The following EZR variants were observed in gnomAD, a reference collection of about 807,000 sequenced individuals.
EZR encodes cytovillin 2.
A neutral mutation model predicts 74.8 loss-of-function variants in EZR; 40 were observed. That is an observed-to-expected ratio of 0.53 (90% confidence interval 0.42 to 0.70). EZR has a LOEUF of 0.70. EZR is among the 30% of genes least tolerant of loss of function. The pLI, the probability that EZR is intolerant of heterozygous loss-of-function variation, is 0.00. For synonymous variants in EZR, 341 were observed against 283.3 expected (o/e 1.20, Z -2.05); for missense variants, 678 against 755.8 (o/e 0.90, Z 1.21).
chr6:158,766,700 G>A lies in EZR; in HGVS notation c.*214C>T, dbSNP rs992342676. 13 of 585,742 alleles carry A rather than the reference G, an allele frequency of 2.2e-5. No individual in the cohort carries two copies. Among genetic ancestry groups the A allele is most frequent in the African/African-American group, 1.5e-4 (8 of 53,758 alleles). 36.3% of individuals were successfully genotyped at this position (585,742 alleles called of 1,614,324 possible). ...CAGGAGGTGATTCGAGAATAATCGCGAGAATCAGGCCTGCTTGGCACTATT... is the reference window on the plus strand; with the variant it reads ...CAGGAGGTGATTCGAGAATAATCGCAAGAATCAGGCCTGCTTGGCACTATT... On this transcript the variant is annotated 3_prime_UTR_variant, in exon 14 of 14. Transcript: ENST00000367075.
intron 2 of EZR, among the ~76,000 whole-genome samples, chr6:158,799,037 T>C (rs1248969515): frequency 3.3e-5 from 5 of 152,092 alleles, no homozygotes; most frequent in East Asian, 1.9e-4. Flanking sequence ...AACATCTCTC[T>C]CCCCCAGCCC....
chr6:158,767,379 C>T lies in EZR; in HGVS notation c.1478G>A (p.Gly493Asp), dbSNP rs778322408. The change falls in exon 13 of 14, where the codon GGC (glycine) becomes GAC (aspartate). Residue 493 changes from glycine (G) to aspartate (D), a missense_variant. By Grantham distance (94) the Gly-to-Asp change is moderately conservative (BLOSUM62 -1). Around this residue, in one of 3 missense-constraint regions of EZR, gnomAD observed 342 missense variants for 341.2 expected, o/e 1.00. Coordinates refer to ENST00000367075, the MANE Select transcript of EZR (RefSeq NM_001111077.2). ...YHVQESLQDEGAEPTGYSAEL... is the reference protein window; with the variant it reads ...YHVQESLQDEDAEPTGYSAEL... ...CGCGCTGTAGCCCGTGGGCTCTGCG[C>T]CCTCATCCTGCAAGCTCTCCTGGAC... 1 of 1,614,100 alleles carries T rather than the reference C, an allele frequency of 6.2e-7. No individual in the cohort carries two copies. Among genetic ancestry groups the T allele is most frequent in the East Asian group, 2.2e-5 (1 of 44,864 alleles).
intron 2 of EZR, among the ~76,000 whole-genome samples, chr6:158,804,384 A>G (rs977585849): frequency 5.3e-5 from 8 of 152,348 alleles, no homozygotes; most frequent in African/African-American, 1.9e-4. Flanking sequence ...GGCAGGCAAA[A>G]TAAAGAGAAA....
chr6:158,782,419 C>G (rs529818466), intron 7 of EZR, among the ~76,000 whole-genome samples: 1 of 152,288 alleles, frequency 6.6e-6, no homozygotes, highest in East Asian at 1.9e-4. Context: ...ACAAAAATAT[C>G]TGAGAACAGA....
chr6:158,769,057 G>A (rs1235802731), intron 12 of EZR, among the ~76,000 whole-genome samples: 1 of 152,222 alleles, frequency 6.6e-6, no homozygotes, highest in Non-Finnish European at 1.5e-5. Context: ...AGCAAAGTGG[G>A]TGAAAGTCAA....
intron 2 of EZR, among the ~76,000 whole-genome samples, chr6:158,808,900 G>A (rs907964078): frequency 1.3e-5 from 2 of 152,206 alleles, no homozygotes; most frequent in African/African-American, 2.4e-5. Context: ...GACTGAGGCA[G>A]GAGGATGGCT....
At chr6:158,812,951 A>G (rs1777479129) in intron 2 of EZR, among the ~76,000 whole-genome samples, 1 of 152,156 alleles carries the variant, frequency 6.6e-6, no homozygotes, top group Non-Finnish European at 1.5e-5. Context: ...GGTCCAAGCT[A>G]TGAGCTCCCT....
At chr6:158,801,257 G>A (rs1172700489) in intron 2 of EZR, among the ~76,000 whole-genome samples, 1 of 152,222 alleles carries the variant, frequency 6.6e-6, no homozygotes, top group African/African-American at 2.4e-5. Flanking sequence ...TGGGATTACA[G>A]GCGTGCATCA....
rs762270034 is a variant in EZR at position 158,771,275 on chromosome 6, G to C, written c.928C>G (p.Arg310Gly). Residue 310 changes from arginine (R) to glycine (G), a missense_variant, in exon 9 of 14, where the codon CGG (arginine) becomes GGG (glycine). Physicochemically the swap from Arg to Gly is moderately radical, Grantham distance 125. Coordinates refer to ENST00000367075, the MANE Select transcript of EZR (RefSeq NM_001111077.2). ...IEVQQMKAQA[R>G]EEKHQKQLER... is the part of the protein sequence containing the mutation. Reference sequence around the variant, plus strand: ...AGCTGCTTCTGATGCTTCTCCTCCCGGGCCTGGGCCTTCATCTGCTGCACC... The same window carrying C: ...AGCTGCTTCTGATGCTTCTCCTCCCCGGCCTGGGCCTTCATCTGCTGCACC... The C allele has an allele frequency of 6.2e-7, 1 of 1,613,988 alleles. No individual in the cohort carries two copies. Among genetic ancestry groups the C allele is most frequent in the Non-Finnish European group, 8.5e-7 (1 of 1,179,948 alleles).
intron 2 of EZR, among the ~76,000 whole-genome samples, chr6:158,795,368 T>TCTCAAGG (rs1455665978): frequency 6.6e-6 from 1 of 152,118 alleles, no homozygotes; most frequent in Admixed American, 6.5e-5. Context: ...GGCGAGGAGT[T>TCTCAAGG]TGAGACTACC....
Position 158,771,217 on chromosome 6 carries a change from C to G in EZR, c.959+27G>C, listed in dbSNP as rs1377104150. The G allele has an allele frequency of 3.2e-6, 5 of 1,585,570 alleles. No homozygotes were observed. In the African/African-American group the frequency reaches 4.0e-5, roughly 13 times the overall value. On this transcript the variant is annotated intron_variant, in intron 9 of 13. Transcript: ENST00000367075. ...TGGCTGAGTTGGGAGAACACAGGCC[C>G]CCCCCACTCTGGCCTCACGCGCTCA...
chr6:158,787,065 C>G, intron 4 of EZR, 43 bp downstream of exon 4: 1 of 1,501,804 alleles, frequency 6.7e-7, no homozygotes, highest in Non-Finnish European at 9.3e-7. Context: ...TGAAGCAGAC[C>G]AACACCCAAT....
chr6:158,813,589 T>C (rs74409779), intron 2 of EZR, among the ~76,000 whole-genome samples: 3 of 152,190 alleles, frequency 2.0e-5, no homozygotes, highest in East Asian at 3.9e-4. Context: ...TCCTCCTCAA[T>C]TGCGAGGGGA....
In EZR at chr6:158,766,399, G is replaced by A. The variant is rs1341983345; in HGVS notation, c.*515C>T. The A allele has an allele frequency of 6.6e-6, 1 of 152,656 alleles. No homozygotes were observed. The highest frequency in any genetic ancestry group is 2.4e-5 in the African/African-American group (1 of 41,420). 9.5% of individuals were successfully genotyped at this position (152,656 alleles called of 1,614,324 possible). On this transcript the variant is annotated 3_prime_UTR_variant, in exon 14 of 14. Coordinates refer to ENST00000367075, the MANE Select transcript of EZR (RefSeq NM_001111077.2). ...CCAGCTGCGTGGAGTGACGGGAGGA[G>A]GGAATCACTGTGTGTGCGAGAGTGC...
chr6:158,801,457 T>G (rs905216773), intron 2 of EZR, among the ~76,000 whole-genome samples: 1 of 152,236 alleles, frequency 6.6e-6, no homozygotes, highest in African/African-American at 2.4e-5. Flanking sequence ...CAGCCATCTA[T>G]CTAAGCTCCA....
intron 2 of EZR, among the ~76,000 whole-genome samples, chr6:158,804,511 C>T (rs1777286453): frequency 6.6e-6 from 1 of 152,174 alleles, no homozygotes. Context: ...ACATGCTTCA[C>T]TGAAATGTGC....
rs147346791 is a variant in EZR, at chr6:158,808,606, G to A, written c.12+9476C>T. On this transcript the variant is annotated intron_variant, in intron 2 of 13. Transcript: ENST00000367075. ...GCACAGCCCTTACTGACCAGGGCCA[G>A]GCATAAGGCCAGGTGCTTCCCATGT... is the stretch of plus-strand genomic sequence containing the variant. 6.6e-5 allele frequency among the ~76,000 whole-genome samples: 10 copies of A among 152,310 alleles called. No individual in the cohort carries two copies. The East Asian group carries it at 1.7e-3, about 26-fold the overall frequency.
chr6:158,781,281 T>C (rs1171010292), intron 7 of EZR, among the ~76,000 whole-genome samples: 1 of 152,174 alleles, frequency 6.6e-6, no homozygotes, highest in African/African-American at 2.4e-5. Context: ...AATGCTTTTT[T>C]CATGAAGAGA....
intron 8 of EZR, among the ~76,000 whole-genome samples, chr6:158,772,576 T>TGA (rs1489000068): frequency 2.0e-5 from 3 of 152,168 alleles, no homozygotes; most frequent in Non-Finnish European, 2.9e-5. Context: ...ATCACAGCCT[T>TGA]CGGGAAACTC....
Sources: gnomAD v4.1 joint callset for allele counts (sites outside exome capture counted in the v4.1 genomes callset) on GRCh38, gnomAD v4.1.1 for gene constraint, gnomAD v4.1.1 regional missense constraint, MANE v1.5 for transcripts, NCBI Gene and HGNC (gene_info 2026-07-23, HGNC 2026-07-21) for gene names.